Variants in PRM2 observed in about 807,000 individuals in gnomAD.
PRM2 encodes the protein protamine 2.
PRM2 carries 6 observed loss-of-function variants against 10.7 expected under a neutral mutation model. The ratio of observed to expected loss-of-function variants is 0.56; its 90% CI spans 0.31 to 1.11. The LOEUF is 1.11. Among genes scored for constraint, PRM2 ranks in the 50% least tolerant of loss-of-function variants. The probability of loss-of-function intolerance (pLI) is 0.06; values close to 1 mark genes in which losing one functional copy is unlikely to be tolerated. For missense variants in PRM2, 194 were observed against 147.7 expected, an observed-to-expected ratio of 1.31 and a Z score of -1.62; for synonymous variants, 64 against 54.8, an observed-to-expected ratio of 1.17 and a Z score of -0.74.
chr16:11,275,705 G>C lies in PRM2; in HGVS notation c.*195C>G. 1 of 1,358,200 alleles carries C rather than the reference G, an allele frequency of 7.4e-7. No individual in the cohort carries two copies. The highest frequency in any genetic ancestry group is 1.0e-6 in the Non-Finnish European group (1 of 985,796). The allele number at this position is 1,358,200 out of a possible 1,614,324, so 84.1% of individuals were successfully genotyped here. ...TCACTCAGATCTTGTGGGCTTCTCG[G>C]CGGCAACTCAGGGCTTGAGCATTTG... is the stretch of plus-strand genomic sequence containing the variant. On this transcript the variant is annotated 3_prime_UTR_variant, in exon 2 of 2. Coordinates refer to ENST00000241808, the MANE Select transcript of PRM2 (RefSeq NM_002762.4).
At position 11,276,103 on chromosome 16, in the gene PRM2, T is replaced by C. The variant is rs1436765422; in HGVS notation, c.268A>G (p.Arg90Gly). The change falls in exon 1 of 2, where the codon AGA becomes GGA. Residue 90 changes from arginine (R) to glycine (G), a missense_variant. Arg to Gly is a moderately radical substitution (Grantham distance 125, BLOSUM62 -2). Coordinates refer to ENST00000241808, the MANE Select transcript of PRM2 (RefSeq NM_002762.4). ...CAAGGCGGGGGCGCAGGCAGACCTCTGCGATGCCTCCTCCGGTGCCTGCAG... is the reference window on the plus strand; with the variant it reads ...CAAGGCGGGGGCGCAGGCAGACCTCCGCGATGCCTCCTCCGGTGCCTGCAG... ...RSCRHRRRHR[R>G]GCRTRKRTCR... is the part of the protein sequence containing the mutation. The C allele has an allele frequency of 2.5e-6, 4 of 1,611,048 alleles. No individual in the cohort carries two copies. In the South Asian group the frequency reaches 3.3e-5, roughly 13 times the overall value.
chr16:11,276,195 G>A lies in PRM2; in HGVS notation c.176C>T (p.Ser59Phe). ...GQSHYRRRHC[S>F]RRRLHRIHRR... ...GTGGATCCGGTGCAGCCTCCTTCGA[G>A]AGCAGTGTCTGCGCCTATAGTGAGA... The change falls in exon 1 of 2, where the codon TCT becomes TTT. Residue 59 changes from serine to phenylalanine, a missense_variant. Ser to Phe is a radical substitution (Grantham distance 155). Coordinates refer to ENST00000241808, the MANE Select transcript of PRM2 (RefSeq NM_002762.4). The A allele has an allele frequency of 6.2e-7, 1 of 1,614,166 alleles. No individual in the cohort carries two copies. Among genetic ancestry groups the A allele is most frequent in the Non-Finnish European group, 8.5e-7 (1 of 1,180,038 alleles).
Position 11,276,173 on chromosome 16 carries a change from G to C in PRM2, c.198C>G (p.Ile66Met). 1 of 1,614,078 alleles carries C rather than the reference G, an allele frequency of 6.2e-7. No individual in the cohort carries two copies. The highest frequency in any genetic ancestry group is 8.5e-7 in the Non-Finnish European group (1 of 1,180,044). Residue 66 changes from isoleucine (I) to methionine (M), a missense_variant, in exon 1 of 2, where the codon ATC becomes ATG. Physicochemically the swap from Ile to Met is conservative, Grantham distance 10. Coordinates refer to ENST00000241808, the MANE Select transcript of PRM2 (RefSeq NM_002762.4). ...TGCAGGAGCGATGCTGCCGCCTGTG[G>C]ATCCGGTGCAGCCTCCTTCGAGAGC... The part of the protein sequence containing the change: ...RHCSRRRLHR[I>M]HRRQHRSCRR...
Position 11,276,087 on chromosome 16 carries a change from G to T in PRM2, c.271+13C>A. The T allele has an allele frequency of 6.2e-7, 1 of 1,609,982 alleles. No individual in the cohort carries two copies. The highest frequency in any genetic ancestry group is 8.5e-7 in the Non-Finnish European group (1 of 1,179,590). ...TCAGGGACATGCAGGGCAAGGCGGG[G>T]GCGCAGGCAGACCTCTGCGATGCCT... On this transcript the variant is annotated intron_variant, in intron 1 of 1. Transcript: ENST00000241808.
Position 11,276,166 on chromosome 16 carries a change from G to T in PRM2, c.205C>A (p.Arg69=), listed in dbSNP as rs371207881. ...SRRRLHRIHR[R]QHRSCRRRKR... Reference sequence around the variant, plus strand: ...CGCCTTCTGCAGGAGCGATGCTGCCGCCTGTGGATCCGGTGCAGCCTCCTT... The same window carrying T: ...CGCCTTCTGCAGGAGCGATGCTGCCTCCTGTGGATCCGGTGCAGCCTCCTT... Residue 69 remains arginine (R), a synonymous_variant, in exon 1 of 2, where the codon CGG becomes AGG. Coordinates refer to ENST00000241808, the MANE Select transcript of PRM2 (RefSeq NM_002762.4). The T allele has an allele frequency of 1.2e-6, 2 of 1,613,952 alleles. No homozygotes were observed. The highest frequency in any genetic ancestry group is 2.7e-5 in the African/African-American group (2 of 75,062).
At position 11,275,868 on chromosome 16, in the gene PRM2, A is replaced by G; in HGVS notation, c.*32T>C. On this transcript the variant is annotated 3_prime_UTR_variant, in exon 2 of 2. Transcript: ENST00000241808. ...TGGTGTTTCGGGCGACTTTTTCTTA[A>G]TTTCCAGCTGGGGGTGAGGGGCCCA... 1 of 1,613,722 alleles carries G rather than the reference A, an allele frequency of 6.2e-7. No homozygotes were observed. The highest frequency in any genetic ancestry group is 1.6e-4 in the Middle Eastern group (1 of 6,062).
Position 11,276,122 on chromosome 16 carries a change from C to CCTGCAGGAGCGTCTTTTGCGCCTT in PRM2, c.225_248dup (p.Arg76_Arg83dup). On this transcript the variant is annotated inframe_insertion, in exon 1 of 2. Coordinates refer to ENST00000241808, the MANE Select transcript of PRM2 (RefSeq NM_002762.4). ...GACCTCTGCGATGCCTCCTCCGGTG[C>CCTGCAGGAGCGTCTTTTGCGCCTT]CTGCAGGAGCGTCTTTTGCGCCTTC... 1 of 1,612,382 alleles carries CCTGCAGGAGCGTCTTTTGCGCCTT rather than the reference C, an allele frequency of 6.2e-7. No individual in the cohort carries two copies. The highest frequency in any genetic ancestry group is 8.5e-7 in the Non-Finnish European group (1 of 1,179,964).
Position 11,276,279 on chromosome 16 carries a change from T to G in PRM2, c.92A>C (p.Gln31Pro), listed in dbSNP as rs1353153330. The G allele has an allele frequency of 2.5e-6, 4 of 1,614,268 alleles. No homozygotes were observed. Among genetic ancestry groups the G allele is most frequent in the Non-Finnish European group, 3.4e-6 (4 of 1,180,044 alleles). ...CTCCGGGCTCAGCCCTTGCTCCTCT[T>G]GGCCGTGGTGTCCTTGCTCTTGCCC... is the stretch of plus-strand genomic sequence containing the variant. ...LHGQEQGHHG[Q>P]EEQGLSPEHV... Residue 31 changes from glutamine to proline, a missense_variant, in exon 1 of 2, where the codon CAA becomes CCA. Coordinates refer to ENST00000241808, the MANE Select transcript of PRM2 (RefSeq NM_002762.4).
In PRM2 at chr16:11,276,354, A is replaced by G; in HGVS notation, c.17T>C (p.Val6Ala). 6.2e-7 allele frequency: 1 copy of G among 1,614,122 alleles called. No individual in the cohort carries two copies. Residue 6 changes from valine (V) to alanine (A), a missense_variant, in exon 1 of 2, where the codon GTG becomes GCG. By Grantham distance (64) the Val-to-Ala change is moderately conservative (BLOSUM62 0). Transcript: ENST00000241808. MVRYRVRSLSERSHEV... is the reference protein window; with the variant it reads MVRYRARSLSERSHEV... ...GTGCGAGCGTTCGCTCAGGCTCCTC[A>G]CGCGGTATCGGACCATGGTGTTGGG...
rs1034754443 is a variant in PRM2 at position 11,275,716 on chromosome 16, G to A, written c.*184C>T. On this transcript the variant is annotated 3_prime_UTR_variant, in exon 2 of 2. Transcript: ENST00000241808. ...TTGTGGGCTTCTCGGCGGCAACTCA[G>A]GGCTTGAGCATTTGATGTAGGGGAG... 2.1e-6 allele frequency: 3 copies of A among 1,442,834 alleles called. No individual in the cohort carries two copies. The highest frequency in any genetic ancestry group is 2.0e-5 in the Admixed American group (1 of 48,976). The allele number at this position is 1,442,834 out of a possible 1,614,324, so 89.4% of individuals were successfully genotyped here. A position where few individuals can be genotyped will look rare whatever the true frequency, so the allele number is the denominator to read the frequency against.
rs374559524 is a variant in PRM2 at position 11,276,363 on chromosome 16, C to T, written c.8G>A (p.Arg3Gln). The part of the protein sequence containing the change: MV[R>Q]YRVRSLSERS... ...TTCGCTCAGGCTCCTCACGCGGTATCGGACCATGGTGTTGGGAGATCTGGT... is the reference window on the plus strand; with the variant it reads ...TTCGCTCAGGCTCCTCACGCGGTATTGGACCATGGTGTTGGGAGATCTGGT... Residue 3 changes from arginine (R) to glutamine (Q), a missense_variant, in exon 1 of 2, where the codon CGA becomes CAA. By Grantham distance (43) the Arg-to-Gln change is conservative (BLOSUM62 1). Transcript: ENST00000241808. The T allele has an allele frequency of 1.9e-5, 31 of 1,614,040 alleles. No homozygotes were observed. Among genetic ancestry groups the T allele is most frequent in the Middle Eastern group, 1.6e-4 (1 of 6,084 alleles).
chr16:11,276,475 T>G lies in PRM2; in HGVS notation c.-105A>C. 1.3e-6 allele frequency: 2 copies of G among 1,515,614 alleles called. No homozygotes were observed. Among genetic ancestry groups the G allele is most frequent in the South Asian group, 2.3e-5 (2 of 85,814 alleles). 93.9% of individuals were successfully genotyped at this position (1,515,614 alleles called of 1,614,324 possible). A position where few individuals can be genotyped will look rare whatever the true frequency, so the allele number is the denominator to read the frequency against. ...CCTGCCCTTGGTGTTACTGTTGGTCTGGTCTGCAAGGCTCCCCGGGAGCTT... is the reference window on the plus strand; with the variant it reads ...CCTGCCCTTGGTGTTACTGTTGGTCGGGTCTGCAAGGCTCCCCGGGAGCTT... On this transcript the variant is annotated 5_prime_UTR_variant, in exon 1 of 2. Coordinates refer to ENST00000241808, the MANE Select transcript of PRM2 (RefSeq NM_002762.4).
chr16:11,275,756 C>T lies in PRM2; in HGVS notation c.*144G>A, dbSNP rs1218133544. ...ATGTAGGGGAGTTGCTATGGCCTCACTCGGTGTTTCTTGGGCAGGTGACTT... is the reference window on the plus strand; with the variant it reads ...ATGTAGGGGAGTTGCTATGGCCTCATTCGGTGTTTCTTGGGCAGGTGACTT... On this transcript the variant is annotated 3_prime_UTR_variant, in exon 2 of 2. Transcript: ENST00000241808. The T allele has an allele frequency of 7.1e-6, 11 of 1,543,614 alleles. No homozygotes were observed. The East Asian group carries it at 2.6e-4, about 36-fold the overall frequency.
chr16:11,275,768 T>G lies in PRM2; in HGVS notation c.*132A>C. 6.4e-7 allele frequency: 1 copy of G among 1,560,250 alleles called. No individual in the cohort carries two copies. Among genetic ancestry groups the G allele is most frequent in the Non-Finnish European group, 8.7e-7 (1 of 1,149,570 alleles). ...TGCTATGGCCTCACTCGGTGTTTCT[T>G]GGGCAGGTGACTTTCTCTTAACTTC... On this transcript the variant is annotated 3_prime_UTR_variant, in exon 2 of 2. Transcript: ENST00000241808.
Position 11,276,472 on chromosome 16 carries a change from G to T in PRM2, c.-102C>A. 2 of 1,524,822 alleles carry T rather than the reference G, an allele frequency of 1.3e-6. No homozygotes were observed. Among genetic ancestry groups the T allele is most frequent in the Admixed American group, 3.8e-5 (2 of 52,838 alleles). 94.5% of individuals were successfully genotyped at this position (1,524,822 alleles called of 1,614,324 possible). A position where few individuals can be genotyped will look rare whatever the true frequency, so the allele number is the denominator to read the frequency against. On this transcript the variant is annotated 5_prime_UTR_variant, in exon 1 of 2. Transcript: ENST00000241808. Reference sequence around the variant, plus strand: ...CCACCTGCCCTTGGTGTTACTGTTGGTCTGGTCTGCAAGGCTCCCCGGGAG... The same window carrying T: ...CCACCTGCCCTTGGTGTTACTGTTGTTCTGGTCTGCAAGGCTCCCCGGGAG...
At position 11,275,748 on chromosome 16, in the gene PRM2, T is replaced by TG; in HGVS notation, c.*151dup. ...AGCATTTGATGTAGGGGAGTTGCTA[T>TG]GGCCTCACTCGGTGTTTCTTGGGCA... is the stretch of plus-strand genomic sequence containing the variant. On this transcript the variant is annotated 3_prime_UTR_variant, in exon 2 of 2. Coordinates refer to ENST00000241808, the MANE Select transcript of PRM2 (RefSeq NM_002762.4). The TG allele has an allele frequency of 6.5e-7, 1 of 1,529,760 alleles. No individual in the cohort carries two copies. The highest frequency in any genetic ancestry group is 8.9e-7 in the Non-Finnish European group (1 of 1,126,506). 94.8% of individuals were successfully genotyped at this position (1,529,760 alleles called of 1,614,324 possible).
In PRM2 at chr16:11,275,860, T is replaced by C. The variant is rs988139221; in HGVS notation, c.*40A>G. The stretch of plus-strand genomic sequence containing the variant: ...GCCTCACTTGGTGTTTCGGGCGACT[T>C]TTTCTTAATTTCCAGCTGGGGGTGA... On this transcript the variant is annotated 3_prime_UTR_variant, in exon 2 of 2. Transcript: ENST00000241808. 2 of 1,613,776 alleles carry C rather than the reference T, an allele frequency of 1.2e-6. No individual in the cohort carries two copies. Among genetic ancestry groups the C allele is most frequent in the Admixed American group, 3.3e-5 (2 of 60,020 alleles).
In PRM2 at chr16:11,276,274, C is replaced by G. The variant is rs1567464990; in HGVS notation, c.97G>C (p.Glu33Gln). Reference sequence around the variant, plus strand: ...ACGTGCTCCGGGCTCAGCCCTTGCTCCTCTTGGCCGTGGTGTCCTTGCTCT... The same window carrying G: ...ACGTGCTCCGGGCTCAGCCCTTGCTGCTCTTGGCCGTGGTGTCCTTGCTCT... ...GQEQGHHGQE[E>Q]QGLSPEHVEV... Residue 33 changes from glutamate (E) to glutamine (Q), a missense_variant, in exon 1 of 2, where the codon GAG (glutamate) becomes CAG (glutamine). Transcript: ENST00000241808. 1 of 1,614,260 alleles carries G rather than the reference C, an allele frequency of 6.2e-7. No homozygotes were observed. Among genetic ancestry groups the G allele is most frequent in the Non-Finnish European group, 8.5e-7 (1 of 1,180,044 alleles).
chr16:11,276,319 T>C lies in PRM2; in HGVS notation c.52A>G (p.Arg18Gly), dbSNP rs1248313500. Residue 18 changes from arginine (R) to glycine (G), a missense_variant, in exon 1 of 2, where the codon AGG becomes GGG. Arg to Gly is a moderately radical substitution (Grantham distance 125). Coordinates refer to ENST00000241808, the MANE Select transcript of PRM2 (RefSeq NM_002762.4). ...SLSERSHEVY[R>G]QQLHGQEQGH... ...TGCTCTTGCCCATGCAACTGCTGCC[T>C]GTACACCTCGTGCGAGCGTTCGCTC... 3.1e-6 allele frequency: 5 copies of C among 1,614,126 alleles called. No individual in the cohort carries two copies. In the African/African-American group the frequency reaches 4.0e-5, roughly 13 times the overall value.
Sources: allele counts gnomAD v4.1 joint callset, GRCh38; gene constraint gnomAD v4.1.1; transcripts MANE v1.5; gene names NCBI Gene and HGNC (gene_info 2026-07-23, HGNC 2026-07-21).